The following LAP3 variants were observed in gnomAD, a reference collection of about 807,000 sequenced individuals.
LAP3 encodes cytosol aminopeptidase.
LAP3 carries 46 observed loss-of-function variants against 58.8 expected under a neutral mutation model. That is an observed-to-expected ratio of 0.78 (90% confidence interval 0.62 to 1.00). The LOEUF is 1.00. Among genes scored for constraint, LAP3 ranks in the 50% least tolerant of loss-of-function variants. LAP3 has a pLI of 0.00. For synonymous variants in LAP3, 257 were observed against 237.7 expected (o/e 1.08, Z -0.75); for missense variants, 615 against 659.1 (o/e 0.93, Z 0.73).
intron 10 of LAP3, among the ~76,000 whole-genome samples, chr4:17,599,659 A>T (rs538907166): frequency 1.2e-3 from 179 of 152,320 alleles, no homozygotes; most frequent in Non-Finnish European, 2.0e-3. Flanking sequence ...TACTTTTTTA[A>T]ACTAATTGTA....
rs1713422573 is a variant in LAP3 at position 17,583,583 on chromosome 4, T to C, written c.480T>C (p.Tyr160=). 1.2e-6 allele frequency: 2 copies of C among 1,614,108 alleles called. No individual in the cohort carries two copies. Among genetic ancestry groups the C allele is most frequent in the African/African-American group, 1.3e-5 (1 of 75,020 alleles). Residue 160 remains tyrosine (Y), a synonymous_variant, in exon 5 of 13, where the codon TAT becomes TAC. Coordinates refer to ENST00000226299, the MANE Select transcript of LAP3 (RefSeq NM_015907.3). The part of the protein sequence containing the change: ...AAAEGAVLGL[Y]EYDDLKQKKK... ...CGGAGGGAGCGGTGCTTGGTCTCTA[T>C]GAATACGATGACCTAAAGCAAAAAA...
At chr4:17,589,401 G>A (rs1212187480) in intron 7 of LAP3, among the ~76,000 whole-genome samples, 1 of 152,002 alleles carries the variant, frequency 6.6e-6, no homozygotes, top group African/African-American at 2.4e-5. Flanking sequence ...TTGGTTGAAG[G>A]TATACATTAC....
chr4:17,595,263 C>A (rs1713800211), intron 7 of LAP3, 147 bp from the exon 8 acceptor site: 1 of 755,134 alleles, frequency 1.3e-6, no homozygotes, highest in Non-Finnish European at 2.1e-6. Context: ...TGGTCTCGAT[C>A]TCCTGACCTC....
intron 10 of LAP3, among the ~76,000 whole-genome samples, chr4:17,599,489 T>C (rs897143659): frequency 1.6e-4 from 25 of 152,074 alleles, no homozygotes; most frequent in African/African-American, 5.8e-4. Context: ...TGAGCCGAGA[T>C]CATGCCACTG....
At chr4:17,586,385 T>G (rs529258521) in intron 6 of LAP3, 1 of 152,314 alleles carries the variant, frequency 6.6e-6, no homozygotes, top group East Asian at 1.9e-4. Context: ...GAAGAAAAAT[T>G]AATAGTCTGT....
Position 17,607,644 on chromosome 4 carries a change from A to C in LAP3, c.*55A>C. 1 of 1,305,156 alleles carries C rather than the reference A, an allele frequency of 7.7e-7. No individual in the cohort carries two copies. Among genetic ancestry groups the C allele is most frequent in the Non-Finnish European group, 1.0e-6 (1 of 963,388 alleles). 80.8% of individuals were successfully genotyped at this position (1,305,156 alleles called of 1,614,324 possible). ...TCTTAAATTGGACAGTTGAACTTAA[A>C]AGGTTTTTGAATAAATGGATGAAAA... On this transcript the variant is annotated 3_prime_UTR_variant, in exon 13 of 13. Transcript: ENST00000226299.
At position 17,606,918 on chromosome 4, in the gene LAP3, TAAC is replaced by T; in HGVS notation, c.1355_1357del (p.Asn452del). 3 of 1,610,934 alleles carry T rather than the reference TAAC, an allele frequency of 1.9e-6. No individual in the cohort carries two copies. The highest frequency in any genetic ancestry group is 2.5e-6 in the Non-Finnish European group (3 of 1,177,762). Reference sequence around the variant, plus strand: ...TTGTAGATTGCCAGCTTGCTGATGTTAACAACATTGGAAAATACAGGTATGTAA... The same window carrying T: ...TTGTAGATTGCCAGCTTGCTGATGTTAACATTGGAAAATACAGGTATGTAA... On this transcript the variant is annotated inframe_deletion, in exon 12 of 13. Transcript: ENST00000226299.
chr4:17,606,537 A>G (rs1220236556), intron 11 of LAP3, among the ~76,000 whole-genome samples: 2 of 152,054 alleles, frequency 1.3e-5, no homozygotes, highest in Non-Finnish European at 2.9e-5. Flanking sequence ...ACAGCGTTTC[A>G]CCATGTTGGC....
chr4:17,578,324 T>C lies in LAP3; in HGVS notation c.102+757T>C, dbSNP rs189994089. 1.1e-3 allele frequency among the ~76,000 whole-genome samples: 168 copies of C among 152,258 alleles called. 1 individual carries two copies. Among genetic ancestry groups the C allele is most frequent in the African/African-American group, 3.6e-3 (148 of 41,540 alleles). ...CTGACCAGTGCTATCTCCAGTACTGTGCCACAGCCTACCCAGATAACAGTT... is the reference window on the plus strand; with the variant it reads ...CTGACCAGTGCTATCTCCAGTACTGCGCCACAGCCTACCCAGATAACAGTT... On this transcript the variant is annotated intron_variant, in intron 1 of 12. Coordinates refer to ENST00000226299, the MANE Select transcript of LAP3 (RefSeq NM_015907.3).
Position 17,588,895 on chromosome 4 carries a change from T to G in LAP3, c.781T>G (p.Phe261Val). The change falls in exon 7 of 13, where the codon TTC becomes GTC. Residue 261 changes from phenylalanine to valine, a missense_variant. By Grantham distance (50) the Phe-to-Val change is conservative. Coordinates refer to ENST00000226299, the MANE Select transcript of LAP3 (RefSeq NM_015907.3). The stretch of plus-strand genomic sequence containing the variant: ...CAAAGGATCTGACGAGCCCCCAGTC[T>G]TCTTGGAAATTCACTACAAAGGCAG... The part of the protein sequence containing the change: ...VAKGSDEPPV[F>V]LEIHYKGSPN... 5 of 1,614,134 alleles carry G rather than the reference T, an allele frequency of 3.1e-6. No individual in the cohort carries two copies. Among genetic ancestry groups the G allele is most frequent in the South Asian group, 1.1e-5 (1 of 91,086 alleles).
chr4:17,603,067 G>T (rs531189987), intron 10 of LAP3, among the ~76,000 whole-genome samples: 14 of 151,694 alleles, frequency 9.2e-5, no homozygotes, highest in Admixed American at 7.2e-4. Context: ...CAGCACTTTG[G>T]GAGGCCGAGG....
In LAP3 at chr4:17,577,445, G is replaced by A; in HGVS notation, c.-21G>A. ...CTCCACGTGCTCGCTGGAGGGCGGT[G>A]CGAGGGGCCGAGCCGACAAGATGTT... On this transcript the variant is annotated 5_prime_UTR_variant, in exon 1 of 13. Transcript: ENST00000226299. The A allele has an allele frequency of 5.2e-6, 8 of 1,532,774 alleles. No homozygotes were observed. The highest frequency in any genetic ancestry group is 7.0e-6 in the Non-Finnish European group (8 of 1,138,296). 94.9% of individuals were successfully genotyped at this position (1,532,774 alleles called of 1,614,324 possible).
At chr4:17,596,945 T>C in intron 8 of LAP3, 101 bp from the exon 9 acceptor site, 1 of 989,164 alleles carries the variant, frequency 1.0e-6, no homozygotes, top group South Asian at 1.4e-5. Context: ...AAGGTGGCCT[T>C]TGTGTCTTGC....
rs1472283884 is a variant in LAP3, at chr4:17,598,487, T to C, written c.1109T>C (p.Ile370Thr). ...VDNTDAEGRL[I>T]LADALCYAHT... ...AACACTGATGCTGAGGGGAGGCTCA[T>C]ACTGGCTGATGCGCTCTGTTACGCA... Residue 370 changes from isoleucine (I) to threonine (T), a missense_variant, in exon 10 of 13, where the codon ATA becomes ACA. Transcript: ENST00000226299. 6.2e-7 allele frequency: 1 copy of C among 1,614,010 alleles called. No individual in the cohort carries two copies. Among genetic ancestry groups the C allele is most frequent in the African/African-American group, 1.3e-5 (1 of 74,930 alleles).
intron 6 of LAP3, among the ~76,000 whole-genome samples, chr4:17,588,207 T>C (rs1713579827): frequency 6.6e-6 from 1 of 152,080 alleles, no homozygotes; most frequent in Admixed American, 6.5e-5. Context: ...TTTTCTTTTT[T>C]TTTTTTCTGT....
chr4:17,579,960 C>A, intron 2 of LAP3, 21 bp downstream of exon 2: 1 of 1,401,132 alleles, frequency 7.1e-7, no homozygotes, highest in Non-Finnish European at 1.0e-6. Flanking sequence ...CTTGTGGGCT[C>A]TAGTTCTTAA....
chr4:17,577,850 C>T lies in LAP3; in HGVS notation c.102+283C>T, dbSNP rs375113065. Among the ~76,000 whole-genome samples the T allele has an allele frequency of 4.8e-3, 736 of 152,288 alleles. 8 individuals are homozygous for T. The highest frequency in any genetic ancestry group is 0.017 in the African/African-American group (709 of 41,554). ...GCGCACTTGCTCCAGTCGTCACCCG[C>T]GGTCCTGGCAGTAACCCGGGGAAAG... On this transcript the variant is annotated intron_variant, in intron 1 of 12. Coordinates refer to ENST00000226299, the MANE Select transcript of LAP3 (RefSeq NM_015907.3).
At chr4:17,584,871 T>C (rs914002234) in intron 5 of LAP3, 101 bp from the exon 6 acceptor site, 1 of 1,164,710 alleles carries the variant, frequency 8.6e-7, no homozygotes, top group Non-Finnish European at 1.2e-6. Context: ...ATTTGTAGTC[T>C]TCCTCTTTTG....
rs1713602655 is a variant in LAP3 at position 17,588,929 on chromosome 4, C to T, written c.815C>T (p.Ala272Val). 1.2e-6 allele frequency: 2 copies of T among 1,614,206 alleles called. No homozygotes were observed. Among genetic ancestry groups the T allele is most frequent in the Non-Finnish European group, 1.7e-6 (2 of 1,180,044 alleles). ...LEIHYKGSPN[A>V]NEPPLVFVGK... ...ATTCACTACAAAGGCAGCCCCAATG[C>T]AAACGAACCACCCCTGGTGTTTGTT... is the stretch of plus-strand genomic sequence containing the variant. Residue 272 changes from alanine to valine, a missense_variant, in exon 7 of 13, where the codon GCA (alanine) becomes GTA (valine). Physicochemically the swap from Ala to Val is moderately conservative, Grantham distance 64 (BLOSUM62 0). Coordinates refer to ENST00000226299, the MANE Select transcript of LAP3 (RefSeq NM_015907.3).
Sources: allele counts gnomAD v4.1 joint callset (sites outside exome capture counted in the v4.1 genomes callset), GRCh38; gene constraint gnomAD v4.1.1; transcripts MANE v1.5; gene names NCBI Gene and HGNC (gene_info 2026-07-23, HGNC 2026-07-21).